The following SMIM13 variants were observed in gnomAD, a reference collection of about 807,000 sequenced individuals.
SMIM13 encodes the protein UPF0766 protein C6orf228.
A neutral mutation model predicts 5.9 loss-of-function variants in SMIM13; 3 were observed. The observed-to-expected ratio is 0.51, with a 90% CI of 0.23 to 1.31. The LOEUF (loss-of-function observed/expected upper bound fraction) is 1.31, where lower values mean the gene tolerates loss of function less well. Among genes scored for constraint, SMIM13 ranks in the 40% most tolerant of loss-of-function variants. The pLI is 0.18. For synonymous variants in SMIM13, 55 were observed against 46.0 expected (o/e 1.19, Z -0.79); for missense variants, 85 against 109.9 (o/e 0.77, Z 1.01).
Position 11,094,232 on chromosome 6 carries a change from C to T in SMIM13, c.-82C>T. The stretch of plus-strand genomic sequence containing the variant: ...GCCCAGCCGCGCCTGGCGCCCGCCG[C>T]TGAAGCGCAGGACGCGCCGCCGCCC... On this transcript the variant is annotated 5_prime_UTR_variant, in exon 1 of 2. Transcript: ENST00000416247. 1.3e-6 allele frequency: 1 copy of T among 744,010 alleles called. No individual in the cohort carries two copies. The highest frequency in any genetic ancestry group is 1.7e-6 in the Non-Finnish European group (1 of 591,466). The allele number at this position is 744,010 out of a possible 1,614,324, so 46.1% of individuals were successfully genotyped here. A position where few individuals can be genotyped will look rare whatever the true frequency, so the allele number is the denominator to read the frequency against.
rs900101685 is a variant in SMIM13, at chr6:11,100,359, C to T, written c.76+5970C>T. On this transcript the variant is annotated intron_variant, in intron 1 of 1. Coordinates refer to ENST00000416247, the MANE Select transcript of SMIM13 (RefSeq NM_001135575.2). ...ATAGGCATGAGCCACGGTGCCTGGC[C>T]TACTTTGGTACATTGTTATGTGCCC... Among the ~76,000 whole-genome samples, 16 of 152,134 alleles carry T rather than the reference C, an allele frequency of 1.1e-4. 1 individual carries two copies. Among genetic ancestry groups the T allele is most frequent in the African/African-American group, 3.9e-4 (16 of 41,412 alleles).
intron 1 of SMIM13, among the ~76,000 whole-genome samples, chr6:11,099,007 C>T (rs949616692): frequency 6.6e-6 from 1 of 152,120 alleles, no homozygotes; most frequent in Non-Finnish European, 1.5e-5. Flanking sequence ...TGAGAAGATT[C>T]TATTTTTTTC....
chr6:11,134,779 T>C lies in SMIM13; in HGVS notation c.*177T>C, dbSNP rs780851524. The stretch of plus-strand genomic sequence containing the variant: ...GAACTGAAACCAAATTGGACTATTA[T>C]AAATTTCATCTTAAAGATAATCTTT... On this transcript the variant is annotated 3_prime_UTR_variant, in exon 2 of 2. Transcript: ENST00000416247. 3 of 450,190 alleles carry C rather than the reference T, an allele frequency of 6.7e-6. No homozygotes were observed. The highest frequency in any genetic ancestry group is 1.2e-5 in the Non-Finnish European group (3 of 259,960). The allele number at this position is 450,190 out of a possible 1,614,324, so 27.9% of individuals were successfully genotyped here. A position where few individuals can be genotyped will look rare whatever the true frequency, so the allele number is the denominator to read the frequency against.
chr6:11,118,485 C>T (rs9468446), intron 1 of SMIM13, among the ~76,000 whole-genome samples: 32,784 of 152,052 alleles, frequency 0.22, 3,893 homozygotes, highest in African/African-American at 0.31. Context: ...CCAGGTGCTA[C>T]TTTAAGGCAT....
At chr6:11,102,989 C>T (rs1758018198) in intron 1 of SMIM13, 5 of 152,194 alleles carry the variant, frequency 3.3e-5, no homozygotes, top group Non-Finnish European at 7.3e-5. Context: ...GGGTTTTATA[C>T]ATTGGCATTG....
chr6:11,129,257 C>T (rs933528625), intron 1 of SMIM13, among the ~76,000 whole-genome samples: 1 of 152,188 alleles, frequency 6.6e-6, no homozygotes, highest in Admixed American at 6.5e-5. Flanking sequence ...TTTTTAGCTG[C>T]CACAGATGAG....
intron 1 of SMIM13, chr6:11,105,584 C>T: frequency 2.5e-6 from 1 of 393,030 alleles, no homozygotes; most frequent in Non-Finnish European, 4.8e-6. Context: ...TCCACAGCTT[C>T]ACTTGGGTGT....
In SMIM13 at chr6:11,094,182, C is replaced by T. The variant is rs1488149319; in HGVS notation, c.-132C>T. On this transcript the variant is annotated 5_prime_UTR_variant, in exon 1 of 2. Transcript: ENST00000416247. ...CCCCCTGGGGGCGCTGCCGAGGGGG[C>T]GCCAGCCGCCCATGCCGCCCCGGCG... 4 of 211,960 alleles carry T rather than the reference C, an allele frequency of 1.9e-5. No individual in the cohort carries two copies. Among genetic ancestry groups the T allele is most frequent in the Non-Finnish European group, 2.4e-5 (3 of 123,130 alleles). 13.1% of individuals were successfully genotyped at this position (211,960 alleles called of 1,614,324 possible).
chr6:11,118,140 G>T (rs1052862190), intron 1 of SMIM13, among the ~76,000 whole-genome samples: 1 of 152,192 alleles, frequency 6.6e-6, no homozygotes, highest in African/African-American at 2.4e-5. Flanking sequence ...TAAAGTGCTG[G>T]GTTTAAAGGC....
chr6:11,138,623 ATCAT>A lies in SMIM13; in HGVS notation c.*4025_*4028del, dbSNP rs1272544420. The A allele has an allele frequency of 6.6e-6, 1 of 152,146 alleles. No individual in the cohort carries two copies. Among genetic ancestry groups the A allele is most frequent in the Non-Finnish European group, 1.5e-5 (1 of 68,012 alleles). 9.4% of individuals were successfully genotyped at this position (152,146 alleles called of 1,614,324 possible). On this transcript the variant is annotated 3_prime_UTR_variant, in exon 2 of 2. Transcript: ENST00000416247. ...TAAAGATGAGGAATGTGTGTAAATG[ATCAT>A]TCACTGTTTTTGTTTTAAAACTGGT... is the stretch of plus-strand genomic sequence containing the variant.
chr6:11,110,451 G>A (rs1178730526), intron 1 of SMIM13, among the ~76,000 whole-genome samples: 1 of 152,178 alleles, frequency 6.6e-6, no homozygotes, highest in Non-Finnish European at 1.5e-5. Flanking sequence ...CATTTCCCAT[G>A]TTCTTTAAGA....
chr6:11,123,505 A>G (rs1356969082), intron 1 of SMIM13, among the ~76,000 whole-genome samples: 1 of 152,210 alleles, frequency 6.6e-6, no homozygotes, highest in African/African-American at 2.4e-5. Context: ...ATGATTACCA[A>G]TACCATAGAT....
At chr6:11,121,330 T>C (rs1758306403) in intron 1 of SMIM13, among the ~76,000 whole-genome samples, 1 of 152,226 alleles carries the variant, frequency 6.6e-6, no homozygotes, top group South Asian at 2.1e-4. Flanking sequence ...AAGTTTCTGA[T>C]ATGTGCACTT....
chr6:11,103,915 C>T (rs1447233039), intron 1 of SMIM13: 3 of 1,551,572 alleles, frequency 1.9e-6, no homozygotes, highest in African/African-American at 2.7e-5. Context: ...CCCTGAGTGG[C>T]TCGTTCCCGT....
intron 1 of SMIM13, among the ~76,000 whole-genome samples, chr6:11,107,659 A>C (rs1758106568): frequency 6.6e-6 from 1 of 152,242 alleles, no homozygotes; most frequent in African/African-American, 2.4e-5. Flanking sequence ...ACCACTGAGC[A>C]TCTGGAGGTT....
Position 11,094,306 on chromosome 6 carries a change from C to A in SMIM13, c.-8C>A. 6.8e-7 allele frequency: 1 copy of A among 1,479,084 alleles called. No individual in the cohort carries two copies. The highest frequency in any genetic ancestry group is 9.0e-7 in the Non-Finnish European group (1 of 1,111,102). 91.6% of individuals were successfully genotyped at this position (1,479,084 alleles called of 1,614,324 possible). On this transcript the variant is annotated 5_prime_UTR_variant, in exon 1 of 2. Coordinates refer to ENST00000416247, the MANE Select transcript of SMIM13 (RefSeq NM_001135575.2). Reference sequence around the variant, plus strand: ...CCGCCCCGAGCCGACTGCCCTTCTGCCCCCAAGATGTGGCACAGCGTCGGG... The same window carrying A: ...CCGCCCCGAGCCGACTGCCCTTCTGACCCCAAGATGTGGCACAGCGTCGGG...
intron 1 of SMIM13, chr6:11,104,957 G>A (rs1758061523): frequency 1.9e-6 from 3 of 1,614,052 alleles, no homozygotes; most frequent in Non-Finnish European, 1.7e-6. Flanking sequence ...TTCCCATTAG[G>A]TTGATATTAG....
intron 1 of SMIM13, among the ~76,000 whole-genome samples, chr6:11,110,370 T>A (rs1039868185): frequency 6.6e-6 from 1 of 152,252 alleles, no homozygotes; most frequent in African/African-American, 2.4e-5. Context: ...TATATCCTTG[T>A]CTCCATGACC....
chr6:11,104,348 A>G (rs1758049875), intron 1 of SMIM13: 1 of 1,551,766 alleles, frequency 6.4e-7, no homozygotes, highest in Non-Finnish European at 8.7e-7. Context: ...CTGGGGTTAC[A>G]TAGCCTATGG....
Sources: gnomAD v4.1 joint callset for allele counts (sites outside exome capture counted in the v4.1 genomes callset) on GRCh38, gnomAD v4.1.1 for gene constraint, MANE v1.5 for transcripts, NCBI Gene and HGNC (gene_info 2026-07-23, HGNC 2026-07-21) for gene names.